Variants in SRPK2 observed in about 807,000 individuals in gnomAD.
SRPK2 encodes SFRS protein kinase 2.
Under a neutral mutation model 90.8 loss-of-function variants are expected in SRPK2, and 21 were observed. The ratio of observed to expected loss-of-function variants is 0.23; its 90% confidence interval spans 0.16 to 0.33. The LOEUF (loss-of-function observed/expected upper bound fraction) is 0.33, where lower values mean the gene tolerates loss of function less well. SRPK2 is among the 10% of genes least tolerant of loss of function. The pLI is 1.00. For synonymous variants in SRPK2, 288 were observed against 311.1 expected (o/e 0.93, Z 0.78); for missense variants, 620 against 869.0 (o/e 0.71, Z 3.60).
At chr7:105,377,382 T>A (rs956588663) in intron 2 of SRPK2, among the ~76,000 whole-genome samples, 20 of 151,912 alleles carry the variant, frequency 1.3e-4, no homozygotes, top group African/African-American at 4.4e-4. Context: ...TTAAAGGAAT[T>A]TATATAGAGA....
At position 105,282,835 on chromosome 7, in the gene SRPK2, C is replaced by A. The variant is rs1322904514; in HGVS notation, c.72-79050G>T. Among the ~76,000 whole-genome samples the A allele has an allele frequency of 2.7e-5, 4 of 150,808 alleles. No individual in the cohort carries two copies. The East Asian group carries it at 5.8e-4, about 22-fold the overall frequency. ...TATAAAATAAAATAAAATGCATTAT[C>A]AAGAAAGTAAAAAGAAAACCCACAA... On this transcript the variant is annotated intron_variant, in intron 2 of 15. Transcript: ENST00000393651.
chr7:105,162,192 C>T (rs1807772061), intron 6 of SRPK2, among the ~76,000 whole-genome samples: 1 of 152,124 alleles, frequency 6.6e-6, no homozygotes, highest in South Asian at 2.1e-4. Flanking sequence ...CAGGCGTGTG[C>T]CACTATGCCC....
At chr7:105,398,832 C>G (rs1179973999) in intron 1 of SRPK2, among the ~76,000 whole-genome samples, 1 of 152,122 alleles carries the variant, frequency 6.6e-6, no homozygotes, top group Non-Finnish European at 1.5e-5. Flanking sequence ...TTTACCTGGG[C>G]CAGCTTGAGC....
chr7:105,313,163 T>C (rs1045621980), intron 2 of SRPK2, among the ~76,000 whole-genome samples: 1 of 151,920 alleles, frequency 6.6e-6, no homozygotes, highest in Non-Finnish European at 1.5e-5. Flanking sequence ...TTTTTTTAAA[T>C]TACCAGGTGC....
chr7:105,362,290 C>T (rs1415365543), intron 2 of SRPK2, among the ~76,000 whole-genome samples: 1 of 152,102 alleles, frequency 6.6e-6, no homozygotes, highest in Admixed American at 6.5e-5. Context: ...CCATCTCACA[C>T]CAGTTAGAAT....
intron 2 of SRPK2, among the ~76,000 whole-genome samples, chr7:105,376,104 C>T (rs1820261544): frequency 7.0e-6 from 1 of 143,520 alleles, no homozygotes; most frequent in African/African-American, 2.6e-5. Context: ...ACACCATTCT[C>T]CTGCCTCAGC....
At chr7:105,124,363 C>G (rs1800818926) in intron 15 of SRPK2, among the ~76,000 whole-genome samples, 1 of 152,174 alleles carries the variant, frequency 6.6e-6, no homozygotes, top group Non-Finnish European at 1.5e-5. Context: ...AATGCACAGC[C>G]AGGCGCAGTG....
At chr7:105,300,767 G>A (rs1810445736) in intron 2 of SRPK2, among the ~76,000 whole-genome samples, 2 of 152,160 alleles carry the variant, frequency 1.3e-5, no homozygotes, top group South Asian at 4.1e-4. Context: ...ATGAAAAAAT[G>A]CTCATCATCA....
In SRPK2 at chr7:105,165,324, G is replaced by A. The variant is rs573375800; in HGVS notation, c.514+2053C>T. ...CTCAAAAAAGAAAGGAAAGTCAAGG[G>A]ACACCTTTGCTTGTCTTCTTCCTAG... On this transcript the variant is annotated intron_variant, in intron 6 of 15. Coordinates refer to ENST00000393651, the MANE Select transcript of SRPK2 (RefSeq NM_182692.3). 4.6e-5 allele frequency among the ~76,000 whole-genome samples: 7 copies of A among 152,290 alleles called. No individual in the cohort carries two copies. In the East Asian group the frequency reaches 1.4e-3, roughly 29 times the overall value.
intron 2 of SRPK2, among the ~76,000 whole-genome samples, chr7:105,348,972 C>A (rs1415097513): frequency 6.6e-6 from 1 of 150,392 alleles, no homozygotes; most frequent in Non-Finnish European, 1.5e-5. Context: ...ATGGTGAAAC[C>A]CCATCTCTAC....
chr7:105,169,050 C>A, intron 4 of SRPK2, 107 bp downstream of exon 4: 1 of 936,864 alleles, frequency 1.1e-6, no homozygotes, highest in Admixed American at 2.3e-5. Flanking sequence ...GTGCTAAGCA[C>A]TTCACATACC....
At chr7:105,152,023 CAAAAAAAA>C (rs34579509) in intron 7 of SRPK2, among the ~76,000 whole-genome samples, 1 of 108,306 alleles carries the variant, frequency 9.2e-6, no homozygotes, top group African/African-American at 3.6e-5. Flanking sequence ...GGTTCTGTCT[CAAAAAAAA>C]AAAAAAAAAA....
intron 2 of SRPK2, among the ~76,000 whole-genome samples, chr7:105,278,059 C>A (rs1443446260): frequency 6.6e-6 from 1 of 152,068 alleles, no homozygotes; most frequent in Non-Finnish European, 1.5e-5. Flanking sequence ...CTCATGCCTG[C>A]AATCCCAGCA....
chr7:105,346,190 G>C (rs1816433936), intron 2 of SRPK2, among the ~76,000 whole-genome samples: 1 of 152,222 alleles, frequency 6.6e-6, no homozygotes, highest in African/African-American at 2.4e-5. Context: ...AGGTTTTAAA[G>C]TTTTTTAAAA....
At chr7:105,188,780 T>A (rs528999590) in intron 3 of SRPK2, among the ~76,000 whole-genome samples, 2 of 152,200 alleles carry the variant, frequency 1.3e-5, no homozygotes, top group African/African-American at 4.8e-5. Flanking sequence ...AGAGAAAAGA[T>A]ATTACTCGTA....
intron 4 of SRPK2, 60 bp from the exon 5 acceptor site, chr7:105,168,155 G>T: frequency 7.3e-7 from 1 of 1,373,032 alleles, no homozygotes; most frequent in Non-Finnish European, 1.0e-6. Flanking sequence ...AAGAATCACT[G>T]GTATCCAGGT....
At chr7:105,239,640 T>C (rs1398126459) in intron 2 of SRPK2, among the ~76,000 whole-genome samples, 2 of 152,152 alleles carry the variant, frequency 1.3e-5, no homozygotes, top group South Asian at 2.1e-4. Flanking sequence ...AGCAAAAAAA[T>C]GGAGCCATAA....
chr7:105,114,859 AG>A (rs546208795), downstream of SRPK2, among the ~76,000 whole-genome samples: 182 of 152,350 alleles, frequency 1.2e-3, 1 homozygote, highest in Middle Eastern at 3.4e-3. Flanking sequence ...AAGAACATAT[AG>A]GCCAAGTTTG....
intron 2 of SRPK2, among the ~76,000 whole-genome samples, chr7:105,329,842 C>T (rs564708970): frequency 6.6e-6 from 1 of 151,664 alleles, no homozygotes; most frequent in South Asian, 2.1e-4. Flanking sequence ...CCAGCCTGGC[C>T]AACATGGTGA....
Sources: allele counts gnomAD v4.1 joint callset (sites outside exome capture counted in the v4.1 genomes callset), GRCh38; gene constraint gnomAD v4.1.1; transcripts MANE v1.5; gene names NCBI Gene and HGNC (gene_info 2026-07-23, HGNC 2026-07-21).